Variants in MAPK10 observed in about 807,000 individuals in gnomAD.
MAPK10 encodes the protein mitogen-activated protein kinase 10.
MAPK10 carries 25 observed loss-of-function variants against 59.3 expected under a neutral mutation model. The ratio of observed to expected loss-of-function variants is 0.42; its 90% CI spans 0.31 to 0.59. The LOEUF (loss-of-function observed/expected upper bound fraction) is 0.59. MAPK10 is among the 20% of genes least tolerant of loss of function. MAPK10 has a pLI of 0.15. For synonymous variants in MAPK10, 190 were observed against 200.5 expected (o/e 0.95, Z 0.44); for missense variants, 351 against 568.9 (o/e 0.62, Z 3.90).
intron 11 of MAPK10, among the ~76,000 whole-genome samples, chr4:86,054,862 A>G (rs2044248336): frequency 6.6e-6 from 1 of 152,230 alleles, no homozygotes. Context: ...AAAGACTCAA[A>G]GAGGTAGTCC....
At chr4:86,340,488 T>A (rs1203588379) in intron 2 of MAPK10, 1 of 152,032 alleles carries the variant, frequency 6.6e-6, no homozygotes, top group Admixed American at 6.6e-5. Flanking sequence ...AACCATCAGA[T>A]CTCATGGGAA....
chr4:86,020,377 A>G (rs7691896), intron 13 of MAPK10: 37,423 of 152,218 alleles, frequency 0.25, 5,957 homozygotes, highest in African/African-American at 0.46. Context: ...TGGCTATTAC[A>G]AATAATGCTG....
intron 2 of MAPK10, among the ~76,000 whole-genome samples, chr4:86,350,181 A>G (rs140164732): frequency 0.025 from 3,770 of 151,736 alleles, 151 homozygotes; most frequent in African/African-American, 0.085. Flanking sequence ...CCTCCTGAGT[A>G]GCTAGGATTA....
intron 1 of MAPK10, among the ~76,000 whole-genome samples, chr4:86,519,838 T>A (rs1756985363): frequency 6.6e-6 from 1 of 152,178 alleles, no homozygotes; most frequent in Admixed American, 6.5e-5. Flanking sequence ...AGGATTTGTT[T>A]GACTGAAAAA....
chr4:86,566,254 C>T (rs755207788), intron 1 of MAPK10, among the ~76,000 whole-genome samples: 1 of 152,020 alleles, frequency 6.6e-6, no homozygotes, highest in Non-Finnish European at 1.5e-5. Flanking sequence ...GAAATTAGAA[C>T]CAAAAAGTAC....
chr4:86,479,494 T>C (rs937966995), intron 1 of MAPK10, among the ~76,000 whole-genome samples: 1 of 151,002 alleles, frequency 6.6e-6, no homozygotes, highest in East Asian at 1.9e-4. Context: ...AAAAAACTTG[T>C]CGTCCCTACT....
chr4:86,502,975 G>C (rs1364894922), intron 1 of MAPK10, among the ~76,000 whole-genome samples: 1 of 151,970 alleles, frequency 6.6e-6, no homozygotes, highest in Non-Finnish European at 1.5e-5. Flanking sequence ...AAGAAGGGTG[G>C]GATCCTTCAG....
intron 1 of MAPK10, among the ~76,000 whole-genome samples, chr4:86,585,060 T>C (rs1762568498): frequency 6.6e-6 from 1 of 152,186 alleles, no homozygotes; most frequent in Admixed American, 6.5e-5. Flanking sequence ...AGGAAGATTA[T>C]TCAAACAAGA....
intron 1 of MAPK10, among the ~76,000 whole-genome samples, chr4:86,382,158 G>A (rs1740815403): frequency 1.3e-5 from 2 of 152,016 alleles, no homozygotes; most frequent in South Asian, 2.1e-4. Context: ...TCCCTGGGGT[G>A]CAAAATAACC....
At chr4:86,398,870 G>T (rs1254048429) in intron 1 of MAPK10, among the ~76,000 whole-genome samples, 1 of 152,108 alleles carries the variant, frequency 6.6e-6, no homozygotes, top group Non-Finnish European at 1.5e-5. Context: ...TTAGTTTTCT[G>T]TTCCTACATT....
intron 4 of MAPK10, among the ~76,000 whole-genome samples, chr4:86,112,751 C>G (rs2149095049): frequency 6.6e-6 from 1 of 152,220 alleles, no homozygotes; most frequent in African/African-American, 2.4e-5. Context: ...GAGCTGAGTT[C>G]AAGCCCTGAA....
At chr4:86,280,206 C>A (rs914798339) in intron 2 of MAPK10, among the ~76,000 whole-genome samples, 1 of 152,086 alleles carries the variant, frequency 6.6e-6, no homozygotes, top group African/African-American at 2.4e-5. Flanking sequence ...ACAGACTATG[C>A]ATTTGACAAA....
intron 13 of MAPK10, chr4:86,027,587 C>G (rs1750993823): frequency 6.6e-6 from 1 of 152,114 alleles, no homozygotes; most frequent in Non-Finnish European, 1.5e-5. Flanking sequence ...GAATAGTATA[C>G]TGTATTAAAG....
rs533959854 is a variant in MAPK10, at chr4:86,069,876, A to G, written c.803-1921T>C. ...ATTTGCTATAATTATAAAGATATACAGTAAATAATTGATTTTAAAGAAGTA... is the reference window on the plus strand; with the variant it reads ...ATTTGCTATAATTATAAAGATATACGGTAAATAATTGATTTTAAAGAAGTA... On this transcript the variant is annotated intron_variant, in intron 9 of 13. Coordinates refer to ENST00000641462, the MANE Select transcript of MAPK10 (RefSeq NM_138982.4). 2.7e-5 allele frequency among the ~76,000 whole-genome samples: 4 copies of G among 150,744 alleles called. No homozygotes were observed. In the South Asian group the frequency reaches 6.3e-4, roughly 24 times the overall value.
intron 2 of MAPK10, among the ~76,000 whole-genome samples, chr4:86,269,582 T>C (rs888821233): frequency 6.6e-6 from 1 of 152,110 alleles, no homozygotes; most frequent in African/African-American, 2.4e-5. Flanking sequence ...CTCGCCTCTA[T>C]CCAGCCTCCT....
intron 1 of MAPK10, among the ~76,000 whole-genome samples, chr4:86,435,906 A>T (rs757107022): frequency 1.3e-5 from 2 of 152,240 alleles, no homozygotes; most frequent in African/African-American, 2.4e-5. Context: ...ACTTTGTCTA[A>T]AAATCATTGT....
At chr4:86,195,563 CTT>C (rs1422666928) in intron 2 of MAPK10, among the ~76,000 whole-genome samples, 1 of 150,708 alleles carries the variant, frequency 6.6e-6, no homozygotes. Flanking sequence ...AACTTTACTT[CTT>C]TTTTTATTTG....
chr4:86,308,144 A>G (rs1030010255), intron 2 of MAPK10, among the ~76,000 whole-genome samples: 8 of 152,182 alleles, frequency 5.3e-5, no homozygotes, highest in African/African-American at 1.9e-4. Context: ...TTGATTTGGG[A>G]GAAAGAAAAT....
intron 2 of MAPK10, among the ~76,000 whole-genome samples, chr4:86,237,014 T>C (rs1244130638): frequency 6.6e-6 from 1 of 151,860 alleles, no homozygotes; most frequent in African/African-American, 2.4e-5. Flanking sequence ...AAACAGGCCA[T>C]AGTGTGTGTT....
Sources: gnomAD v4.1 joint callset for allele counts (sites outside exome capture counted in the v4.1 genomes callset) on GRCh38, gnomAD v4.1.1 for gene constraint, MANE v1.5 for transcripts, NCBI Gene and HGNC (gene_info 2026-07-23, HGNC 2026-07-21) for gene names.